The following SEMA3D variants were observed in gnomAD, a reference collection of about 807,000 sequenced individuals.
The protein encoded by SEMA3D is semaphorin 3D.
A neutral mutation model predicts 100.1 loss-of-function variants in SEMA3D; 84 were observed. The observed-to-expected ratio is 0.84, with a 90% CI of 0.70 to 1.01. The LOEUF is 1.01. Ranked by LOEUF, SEMA3D falls within the 50% of genes least tolerant of loss-of-function variation. The pLI is 0.00. For synonymous variants in SEMA3D, 312 were observed against 320.7 expected (o/e 0.97, Z 0.29); for missense variants, 875 against 934.1 (o/e 0.94, Z 0.82).
intron 8 of SEMA3D, among the ~76,000 whole-genome samples, chr7:85,063,116 A>T (rs1206101348): frequency 6.6e-6 from 1 of 152,204 alleles, no homozygotes; most frequent in Non-Finnish European, 1.5e-5. Context: ...TTTTATCCTT[A>T]TAACGCCCTG....
At chr7:85,065,605 T>A in intron 7 of SEMA3D, 53 bp from the exon 8 acceptor site, 1 of 1,414,698 alleles carries the variant, frequency 7.1e-7, no homozygotes, top group Non-Finnish European at 9.9e-7. Flanking sequence ...CAGTAGATGC[T>A]ATTTAACATG....
At chr7:85,050,677 C>A (rs749503216) in intron 9 of SEMA3D, 28 of 453,628 alleles carry the variant, frequency 6.2e-5, no homozygotes, top group African/African-American at 5.7e-4. Context: ...ATTTATGCAA[C>A]TTTCTCCAAA....
intron 3 of SEMA3D, among the ~76,000 whole-genome samples, chr7:85,114,685 G>A (rs959824741): frequency 6.6e-6 from 1 of 152,004 alleles, no homozygotes; most frequent in Non-Finnish European, 1.5e-5. Flanking sequence ...AATTTGAAAC[G>A]AATACTGAAT....
At chr7:85,198,358 T>C in the SEMA3D span, among the ~76,000 whole-genome samples, 1 of 152,082 alleles carries the variant, frequency 6.6e-6, no homozygotes, top group African/African-American at 2.4e-5. Context: ...TTGATTCTTG[T>C]GTGTTAGTTT....
In SEMA3D at chr7:85,081,553, C is replaced by T. The variant is rs41518350; in HGVS notation, c.339G>A (p.Arg113=). ...TCCCAGCTAATTTACATAATTCCACCCGTTCCTTTGCAGCAGGCCAATAAA... is the reference window on the plus strand; with the variant it reads ...TCCCAGCTAATTTACATAATTCCACTCGTTCCTTTGCAGCAGGCCAATAAA... ...KKIYWPAAKE[R]VELCKLAGKD... is the part of the protein sequence containing the mutation. Residue 113 remains arginine, a synonymous_variant, in exon 5 of 19, where the codon CGG becomes CGA. Transcript: ENST00000284136. 1,682 of 1,612,100 alleles carry T rather than the reference C, an allele frequency of 1.0e-3. 11 individuals are homozygous for T. In the African/African-American group the frequency reaches 0.02, roughly 19 times the overall value.
intron 16 of SEMA3D, among the ~76,000 whole-genome samples, chr7:85,013,248 G>A (rs1054061902): frequency 5.3e-5 from 8 of 151,614 alleles, no homozygotes; most frequent in Non-Finnish European, 1.0e-4. Context: ...TTCAGTCAGT[G>A]GCTAGGAACA....
intron 1 of SEMA3D, among the ~76,000 whole-genome samples, chr7:85,164,488 T>C (rs948861014): frequency 6.6e-6 from 1 of 152,122 alleles, no homozygotes; most frequent in Non-Finnish European, 1.5e-5. Flanking sequence ...CCCTTAGTCA[T>C]TATAAGTTCT....
intron 2 of SEMA3D, chr7:85,143,460 A>AG (rs1790112545): frequency 6.6e-6 from 1 of 152,302 alleles, no homozygotes; most frequent in Non-Finnish European, 1.5e-5. Context: ...CTCCCAGGCA[A>AG]CAAATCTGTA....
chr7:85,217,670 G>A, the SEMA3D span, among the ~76,000 whole-genome samples: 1 of 151,946 alleles, frequency 6.6e-6, no homozygotes, highest in East Asian at 1.9e-4. Flanking sequence ...GCCAATAAGT[G>A]CCAGCAAACA....
chr7:85,174,574 A>G (rs1791176458), intron 1 of SEMA3D, among the ~76,000 whole-genome samples: 1 of 152,188 alleles, frequency 6.6e-6, no homozygotes, highest in African/African-American at 2.4e-5. Flanking sequence ...TATGGAAAAA[A>G]GATACCTAGG....
chr7:85,172,156 T>C (rs1192578462), intron 1 of SEMA3D, among the ~76,000 whole-genome samples: 1 of 151,922 alleles, frequency 6.6e-6, no homozygotes, highest in African/African-American at 2.4e-5. Context: ...CATTGTAGAG[T>C]GATTATTTAG....
chr7:85,116,736 A>T (rs990115614), intron 3 of SEMA3D, among the ~76,000 whole-genome samples: 4 of 152,048 alleles, frequency 2.6e-5, no homozygotes, highest in Non-Finnish European at 1.5e-5. Context: ...AAGTTTTAGT[A>T]TCTGAGCTTT....
chr7:85,117,273 G>A (rs184237194), intron 3 of SEMA3D, among the ~76,000 whole-genome samples: 10 of 152,234 alleles, frequency 6.6e-5, no homozygotes, highest in South Asian at 6.2e-4. Flanking sequence ...TGCAGCTGTC[G>A]TCTGATTACA....
intron 12 of SEMA3D, 93 bp from the exon 13 acceptor site, chr7:85,022,706 A>G (rs1584530543): frequency 1.3e-6 from 1 of 770,400 alleles, no homozygotes; most frequent in East Asian, 2.6e-5. Context: ...CTTATCATCA[A>G]TAATATTAAA....
At chr7:85,049,840 A>C (rs1365093816) in intron 9 of SEMA3D, among the ~76,000 whole-genome samples, 3 of 151,866 alleles carry the variant, frequency 2.0e-5, no homozygotes, top group Non-Finnish European at 2.9e-5. Context: ...GGGCCATCCA[A>C]ACTGAATTCC....
chr7:85,042,032 T>C (rs997823120), intron 10 of SEMA3D, 139 bp downstream of exon 10: 1 of 684,086 alleles, frequency 1.5e-6, no homozygotes, highest in Non-Finnish European at 2.6e-6. Context: ...ACTTTGCGTG[T>C]GAATTTTAGT....
the SEMA3D span, among the ~76,000 whole-genome samples, chr7:85,234,306 C>A: frequency 3.3e-5 from 5 of 152,176 alleles, no homozygotes; most frequent in African/African-American, 9.7e-5. Context: ...GAGATCAGAA[C>A]TGGATGCACC....
At chr7:85,045,769 G>A (rs1014516056) in intron 9 of SEMA3D, among the ~76,000 whole-genome samples, 14 of 151,984 alleles carry the variant, frequency 9.2e-5, no homozygotes, top group African/African-American at 3.4e-4. Context: ...CAGAAACTAA[G>A]ATAATTTTAA....
chr7:85,058,943 T>A (rs1791401586), intron 8 of SEMA3D, among the ~76,000 whole-genome samples: 1 of 152,122 alleles, frequency 6.6e-6, no homozygotes, highest in African/African-American at 2.4e-5. Context: ...ACACTCTATA[T>A]CAAACCAAGT....
Sources: gnomAD v4.1 joint callset for allele counts (sites outside exome capture counted in the v4.1 genomes callset) on GRCh38, gnomAD v4.1.1 for gene constraint, MANE v1.5 for transcripts, NCBI Gene and HGNC (gene_info 2026-07-23, HGNC 2026-07-21) for gene names.